ATXN1: variants seen among roughly 807,000 people sequenced by gnomAD.
The protein encoded by ATXN1 is ataxin 1.
ATXN1 carries 8 observed loss-of-function variants against 56.4 expected under a neutral mutation model. The ratio of observed to expected loss-of-function variants is 0.14; its 90% confidence interval spans 0.08 to 0.26. ATXN1 has a LOEUF of 0.26. Among genes scored for constraint, ATXN1 ranks in the 10% least tolerant of loss-of-function variants. ATXN1 has a pLI of 1.00. For synonymous variants in ATXN1, 514 were observed against 494.6 expected, an observed-to-expected ratio of 1.04 and a Z score of -0.52; for missense variants, 987 against 1,106.5, an observed-to-expected ratio of 0.89 and a Z score of 1.53.
chr6:16,650,182 C>T (rs572859201), intron 3 of ATXN1, among the ~76,000 whole-genome samples: 12 of 152,202 alleles, frequency 7.9e-5, no homozygotes, highest in African/African-American at 2.6e-4. Flanking sequence ...ACAACAGGGA[C>T]AGGTGCATGG....
intron 3 of ATXN1, among the ~76,000 whole-genome samples, chr6:16,633,873 A>T (rs1561787275): frequency 6.6e-6 from 1 of 152,232 alleles, no homozygotes; most frequent in Non-Finnish European, 1.5e-5. Context: ...TTTGCTTTGC[A>T]GACTAACACA....
rs193922926 is a variant in ATXN1 at position 16,327,684 on chromosome 6, ATGC to A, written c.624_626del (p.Gln208del). The A allele has an allele frequency of 0.045, 64,550 of 1,435,482 alleles. 3,277 individuals carry two copies. The highest frequency in any genetic ancestry group is 0.35 in the East Asian group (11,890 of 34,204). The allele number at this position is 1,435,482 out of a possible 1,614,324, so 88.9% of individuals were successfully genotyped here. On this transcript the variant is annotated inframe_deletion, in exon 7 of 8. Transcript: ENST00000436367. ...GCTGCTGCTGCTGCTGCTGATGCTGATGCTGCTGCTGCTGCTGCTGCTGCTGCT... is the reference window on the plus strand; with the variant it reads ...GCTGCTGCTGCTGCTGCTGATGCTGATGCTGCTGCTGCTGCTGCTGCTGCT...
intron 2 of ATXN1, among the ~76,000 whole-genome samples, chr6:16,697,073 C>T (rs745793146): frequency 5.9e-5 from 9 of 152,168 alleles, no homozygotes; most frequent in Admixed American, 3.9e-4. Context: ...ACAGTGGAAA[C>T]GCCACAGTGG....
In ATXN1 at chr6:16,331,875, C is replaced by G. The variant is rs561801248; in HGVS notation, c.-160-3405G>C. Among the ~76,000 whole-genome samples, 3 of 152,316 alleles carry G rather than the reference C, an allele frequency of 2.0e-5. No individual in the cohort carries two copies. The South Asian group carries it at 6.2e-4, about 32-fold the overall frequency. The stretch of plus-strand genomic sequence containing the variant: ...TGCTGACTTGGTTCTCAGTAGTGCT[C>G]AGGTTTAATTATACTGTTTATTTGA... On this transcript the variant is annotated intron_variant, in intron 6 of 7. Coordinates refer to ENST00000436367, the MANE Select transcript of ATXN1 (RefSeq NM_001128164.2).
At chr6:16,430,745 G>A (rs1234763812) in intron 6 of ATXN1, among the ~76,000 whole-genome samples, 4 of 147,394 alleles carry the variant, frequency 2.7e-5, no homozygotes, top group African/African-American at 7.4e-5. Context: ...GTGTGTGTAT[G>A]TGTGTGTAGT....
At chr6:16,514,035 T>C (rs1761131271) in intron 5 of ATXN1, among the ~76,000 whole-genome samples, 2 of 151,946 alleles carry the variant, frequency 1.3e-5, no homozygotes, top group South Asian at 2.1e-4. Context: ...AGCTGAAGAG[T>C]TGCTGTGTGC....
At chr6:16,673,768 C>T (rs1758596012) in intron 2 of ATXN1, among the ~76,000 whole-genome samples, 1 of 152,056 alleles carries the variant, frequency 6.6e-6, no homozygotes, top group Admixed American at 6.6e-5. Flanking sequence ...CCTCCTGCCT[C>T]GACCTCCTAA....
Position 16,527,621 on chromosome 6 carries a change from T to C in ATXN1, c.-360-4933A>G, listed in dbSNP as rs73724888. 2.4e-3 allele frequency among the ~76,000 whole-genome samples: 363 copies of C among 152,260 alleles called. 2 individuals are homozygous for C. Among genetic ancestry groups the C allele is most frequent in the African/African-American group, 8.3e-3 (344 of 41,566 alleles). On this transcript the variant is annotated intron_variant, in intron 4 of 7. Coordinates refer to ENST00000436367, the MANE Select transcript of ATXN1 (RefSeq NM_001128164.2). Reference sequence around the variant, plus strand: ...TCCCTGGTCCAGCCGATGCAATTTTTAAGGGGAGTGGTAATTTGTGGTGGG... The same window carrying C: ...TCCCTGGTCCAGCCGATGCAATTTTCAAGGGGAGTGGTAATTTGTGGTGGG...
chr6:16,419,155 C>T (rs1325571022), intron 6 of ATXN1, among the ~76,000 whole-genome samples: 5 of 152,122 alleles, frequency 3.3e-5, no homozygotes, highest in Non-Finnish European at 7.4e-5. Context: ...TGCTATGTTG[C>T]CTAGGCTAGG....
At chr6:16,424,413 G>T (rs916235346) in intron 6 of ATXN1, among the ~76,000 whole-genome samples, 7 of 152,180 alleles carry the variant, frequency 4.6e-5, no homozygotes, top group African/African-American at 1.7e-4. Context: ...TTGGGAGCCT[G>T]ATTTTACCCC....
chr6:16,455,374 T>C (rs956854968), intron 6 of ATXN1, among the ~76,000 whole-genome samples: 5 of 152,164 alleles, frequency 3.3e-5, no homozygotes. Context: ...AAACACAAGA[T>C]ACCACCTATG....
intron 6 of ATXN1, among the ~76,000 whole-genome samples, chr6:16,373,077 G>A (rs866874827): frequency 5.4e-4 from 82 of 152,310 alleles, no homozygotes; most frequent in African/African-American, 1.9e-3. Context: ...GGGACACATA[G>A]GGCCATGTAG....
intron 6 of ATXN1, among the ~76,000 whole-genome samples, chr6:16,430,723 G>GCA (rs1759264377): frequency 6.8e-6 from 1 of 147,378 alleles, no homozygotes; most frequent in Non-Finnish European, 1.5e-5. Flanking sequence ...GTGTGTGTGT[G>GCA]CGCGTGTGTG....
At chr6:16,703,711 A>C (rs1481541112) in intron 2 of ATXN1, among the ~76,000 whole-genome samples, 1 of 152,174 alleles carries the variant, frequency 6.6e-6, no homozygotes. Flanking sequence ...ATGCCACTGA[A>C]ATGCATATTT....
At chr6:16,640,527 C>G (rs934855555) in intron 3 of ATXN1, among the ~76,000 whole-genome samples, 2 of 152,010 alleles carry the variant, frequency 1.3e-5, no homozygotes, top group South Asian at 2.1e-4. Flanking sequence ...ACTAAAAATA[C>G]AAAAAGTTAG....
intron 4 of ATXN1, among the ~76,000 whole-genome samples, chr6:16,584,111 A>T (rs1224499894): frequency 6.6e-6 from 1 of 151,486 alleles, no homozygotes; most frequent in Non-Finnish European, 1.5e-5. Flanking sequence ...CTTCAAGAAA[A>T]CAGCAGAGCT....
At chr6:16,426,989 C>T (rs905705657) in intron 6 of ATXN1, among the ~76,000 whole-genome samples, 1 of 152,070 alleles carries the variant, frequency 6.6e-6, no homozygotes, top group African/African-American at 2.4e-5. Context: ...ACCTAAAGCC[C>T]CGCCCCCTCA....
intron 3 of ATXN1, among the ~76,000 whole-genome samples, chr6:16,638,319 G>A (rs1177641045): frequency 6.6e-6 from 1 of 151,964 alleles, no homozygotes; most frequent in Admixed American, 6.6e-5. Context: ...GGTGGCATAT[G>A]TATCTGCTCA....
intron 3 of ATXN1, among the ~76,000 whole-genome samples, chr6:16,617,215 A>C (rs914203296): frequency 6.6e-6 from 1 of 152,188 alleles, no homozygotes; most frequent in Non-Finnish European, 1.5e-5. Context: ...GATTCTATAA[A>C]AACAGAAAAT....
Sources: gnomAD v4.1 joint callset for allele counts (sites outside exome capture counted in the v4.1 genomes callset) on GRCh38, gnomAD v4.1.1 for gene constraint, MANE v1.5 for transcripts, NCBI Gene and HGNC (gene_info 2026-07-23, HGNC 2026-07-21) for gene names.